The following EEF1AKMT2 variants were observed in gnomAD, a reference collection of about 807,000 sequenced individuals.
The protein encoded by EEF1AKMT2 is EEF1A lysine methyltransferase 2.
A neutral mutation model predicts 35.8 loss-of-function variants in EEF1AKMT2; 32 were observed. The observed-to-expected ratio is 0.89, with a 90% confidence interval of 0.67 to 1.20. The LOEUF is 1.20. Ranked by LOEUF, EEF1AKMT2 falls within the 50% of genes most tolerant of loss-of-function variation. EEF1AKMT2 has a pLI of 0.00. For synonymous variants in EEF1AKMT2, 121 were observed against 133.7 expected (o/e 0.91, Z 0.65); for missense variants, 330 against 347.5 (o/e 0.95, Z 0.40).
chr10:124,779,321 C>T (rs1950516157), intron 3 of EEF1AKMT2, among the ~76,000 whole-genome samples: 1 of 152,136 alleles, frequency 6.6e-6, no homozygotes, highest in South Asian at 2.1e-4. Flanking sequence ...TTAGTAGACA[C>T]GGGGTTTCAC....
chr10:124,790,383 G>A (rs1950624221), intron 1 of EEF1AKMT2, 45 bp from the exon 2 acceptor site: 4 of 1,338,408 alleles, frequency 3.0e-6, no homozygotes, highest in African/African-American at 1.4e-5. Context: ...GAATTAAACT[G>A]TATTATGAAT....
At chr10:124,757,752 T>G (rs1040635520), downstream of EEF1AKMT2, 2 of 151,636 alleles carry the variant, frequency 1.3e-5, no homozygotes, top group South Asian at 2.1e-4. Context: ...CCCAGAAGAT[T>G]GCATGCGTAC....
At chr10:124,761,536 T>C (rs144900991) in intron 6 of EEF1AKMT2, among the ~76,000 whole-genome samples, 62 of 152,172 alleles carry the variant, frequency 4.1e-4, no homozygotes, top group Admixed American at 1.2e-3. Context: ...CACAGTATGG[T>C]TTAAAAAAAA....
At chr10:124,761,147 C>T (rs1019523465) in intron 6 of EEF1AKMT2, among the ~76,000 whole-genome samples, 4 of 152,200 alleles carry the variant, frequency 2.6e-5, no homozygotes, top group Admixed American at 6.5e-5. Context: ...GGATTACAGG[C>T]GTGAGCAACA....
At chr10:124,763,946 T>C (rs1950354556) in intron 5 of EEF1AKMT2, among the ~76,000 whole-genome samples, 1 of 152,106 alleles carries the variant, frequency 6.6e-6, no homozygotes, top group African/African-American at 2.4e-5. Context: ...AAATCACATA[T>C]AATTCTTGTT....
chr10:124,767,173 A>T (rs1030684675), intron 4 of EEF1AKMT2, among the ~76,000 whole-genome samples: 5 of 146,452 alleles, frequency 3.4e-5, no homozygotes, highest in African/African-American at 1.2e-4. Context: ...AAAAAAAAAA[A>T]AAAAAAAAAA....
rs772894944 is a variant in EEF1AKMT2 at position 124,774,796 on chromosome 10, A to T, written c.292-14T>A. ...ACCAAATTTTGCCTAGAGAGAAATA[A>T]TTTTATACTTTAGTATAAAATTTTA... On this transcript the variant is annotated splice_polypyrimidine_tract_variant and intron_variant, in intron 3 of 6. Coordinates refer to ENST00000368836, the MANE Select transcript of EEF1AKMT2 (RefSeq NM_212554.4). 1 of 1,235,268 alleles carries T rather than the reference A, an allele frequency of 8.1e-7. No homozygotes were observed. Among genetic ancestry groups the T allele is most frequent in the Non-Finnish European group, 1.1e-6 (1 of 914,486 alleles). 76.5% of individuals were successfully genotyped at this position (1,235,268 alleles called of 1,614,324 possible).
At chr10:124,762,007 T>G (rs1950335634) in intron 6 of EEF1AKMT2, among the ~76,000 whole-genome samples, 1 of 152,248 alleles carries the variant, frequency 6.6e-6, no homozygotes, top group Admixed American at 6.5e-5. Flanking sequence ...GAATATTTTT[T>G]TCTTGAGGCA....
intron 4 of EEF1AKMT2, among the ~76,000 whole-genome samples, chr10:124,767,348 CT>C (rs1950387769): frequency 6.6e-6 from 1 of 150,736 alleles, no homozygotes; most frequent in South Asian, 2.1e-4. Flanking sequence ...CCTGTCTCTA[CT>C]AAAAATACAA....
intron 4 of EEF1AKMT2, among the ~76,000 whole-genome samples, chr10:124,772,085 C>A (rs1387262087): frequency 2.0e-5 from 3 of 152,152 alleles, no homozygotes; most frequent in Non-Finnish European, 4.4e-5. Context: ...GAAGATCTAG[C>A]ATAATTCTTA....
At chr10:124,756,775 CCTGTGGG>C (rs1316920571), downstream of EEF1AKMT2, among the ~76,000 whole-genome samples, 1 of 152,106 alleles carries the variant, frequency 6.6e-6, no homozygotes, top group Non-Finnish European at 1.5e-5. Flanking sequence ...ATTTATGTAG[CCTGTGGG>C]CTTGGGTATT....
At chr10:124,787,433 C>CAAAAAGAAAAAAAAAAAAAAAAA (rs1950595282) in intron 3 of EEF1AKMT2, among the ~76,000 whole-genome samples, 1 of 37,434 alleles carries the variant, frequency 2.7e-5, no homozygotes, top group Non-Finnish European at 4.2e-5. Context: ...GACTCTGTCT[C>CAAAAAGAAAAAAAAAAAAAAAAA]AAAAAAAAAA....
chr10:124,786,477 G>A (rs1364669345), intron 3 of EEF1AKMT2, among the ~76,000 whole-genome samples: 1 of 150,928 alleles, frequency 6.6e-6, no homozygotes. Context: ...CTGCACTCCA[G>A]CCTGGGGGAC....
At chr10:124,788,714 A>AGC (rs1950609502) in intron 3 of EEF1AKMT2, among the ~76,000 whole-genome samples, 1 of 99,564 alleles carries the variant, frequency 1.0e-5, no homozygotes, top group African/African-American at 4.1e-5. Flanking sequence ...TCATCTTTAT[A>AGC]TATATATATA....
At position 124,765,501 on chromosome 10, in the gene EEF1AKMT2, C is replaced by G; in HGVS notation, c.507G>C (p.Lys169Asn). The G allele has an allele frequency of 6.2e-7, 1 of 1,613,984 alleles. No individual in the cohort carries two copies. Among genetic ancestry groups the G allele is most frequent in the Non-Finnish European group, 8.5e-7 (1 of 1,179,940 alleles). Residue 169 changes from lysine to asparagine, a missense_variant, in exon 5 of 7, where the codon AAG becomes AAC. Physicochemically the swap from Lys to Asn is moderately conservative, Grantham distance 94. Coordinates refer to ENST00000368836, the MANE Select transcript of EEF1AKMT2 (RefSeq NM_212554.4). ...AGAGAGATTTCACATATTGCTTCCTCTTCTCAATTGCATTGTCAGGATTAA... is the reference window on the plus strand; with the variant it reads ...AGAGAGATTTCACATATTGCTTCCTGTTCTCAATTGCATTGTCAGGATTAA... ...ISLNPDNAIE[K>N]RKQYVKSLSR...
chr10:124,762,424 A>G lies in EEF1AKMT2; in HGVS notation c.751T>C (p.Leu251=). The G allele has an allele frequency of 7.7e-7, 1 of 1,300,294 alleles. No individual in the cohort carries two copies. Among genetic ancestry groups the G allele is most frequent in the Non-Finnish European group, 1.0e-6 (1 of 985,336 alleles). The allele number at this position is 1,300,294 out of a possible 1,614,324, so 80.5% of individuals were successfully genotyped here. A position where few individuals can be genotyped will look rare whatever the true frequency, so the allele number is the denominator to read the frequency against. ...ACATGGCAAAACCTCGTCTCTGCTA[A>G]AAATACAAAAATTATCCAGGCATGA... is the stretch of plus-strand genomic sequence containing the variant. ...HHHAWIIFVF[L]AETRFCHVVQ... is the part of the protein sequence containing the mutation. The change falls in exon 6 of 7, where the codon TTA becomes CTA. Residue 251 remains leucine (L), a synonymous_variant. Coordinates refer to ENST00000368836, the MANE Select transcript of EEF1AKMT2 (RefSeq NM_212554.4).
rs995311219 is a variant in EEF1AKMT2, at chr10:124,763,825, G to C, written c.617-1267C>G. 2.3e-4 allele frequency among the ~76,000 whole-genome samples: 35 copies of C among 152,104 alleles called. 1 individual carries two copies. Among genetic ancestry groups the C allele is most frequent in the Non-Finnish European group, 1.0e-4 (7 of 68,002 alleles). On this transcript the variant is annotated intron_variant, in intron 5 of 6. Coordinates refer to ENST00000368836, the MANE Select transcript of EEF1AKMT2 (RefSeq NM_212554.4). ...GTAACTTTGAGCATTTATTAAAACT[G>C]TCAAAGTTCAGGAAGAGGAAAGACT...
Position 124,760,493 on chromosome 10 carries a change from A to C in EEF1AKMT2, c.*10T>G. Reference sequence around the variant, plus strand: ...ACTTGGGTGTTGGTAGCTCTTCGAGAAGTTCAAATCCTGTCAGACAAAATT... The same window carrying C: ...ACTTGGGTGTTGGTAGCTCTTCGAGCAGTTCAAATCCTGTCAGACAAAATT... On this transcript the variant is annotated 3_prime_UTR_variant, in exon 7 of 7. Transcript: ENST00000368836. 1 of 1,613,636 alleles carries C rather than the reference A, an allele frequency of 6.2e-7. No individual in the cohort carries two copies. Among genetic ancestry groups the C allele is most frequent in the Non-Finnish European group, 8.5e-7 (1 of 1,179,582 alleles).
chr10:124,768,191 G>A (rs955644546), intron 4 of EEF1AKMT2, among the ~76,000 whole-genome samples: 69 of 152,172 alleles, frequency 4.5e-4, no homozygotes, highest in African/African-American at 1.6e-3. Flanking sequence ...GATGATAAAC[G>A]AGGAAGAAGG....
Sources: allele counts gnomAD v4.1 joint callset (sites outside exome capture counted in the v4.1 genomes callset), GRCh38; gene constraint gnomAD v4.1.1; transcripts MANE v1.5; gene names NCBI Gene and HGNC (gene_info 2026-07-23, HGNC 2026-07-21).